Variants in SNX3 observed in about 807,000 individuals in gnomAD.
The protein encoded by SNX3 is sorting nexin-3.
SNX3 carries 5 observed loss-of-function variants against 17.7 expected under a neutral mutation model. That is an observed-to-expected ratio of 0.28 (90% CI 0.15 to 0.59). The LOEUF (loss-of-function observed/expected upper bound fraction) is 0.59, where lower values mean the gene tolerates loss of function less well. SNX3 is among the 20% of genes least tolerant of loss of function. SNX3 has a pLI of 0.88. For synonymous variants in SNX3, 91 were observed against 76.5 expected, an observed-to-expected ratio of 1.19 and a Z score of -0.99; for missense variants, 132 against 206.8, an observed-to-expected ratio of 0.64 and a Z score of 2.22.
At chr6:108,216,570 G>A (rs1381889871) in intron 2 of SNX3, among the ~76,000 whole-genome samples, 3 of 152,056 alleles carry the variant, frequency 2.0e-5, no homozygotes, top group Admixed American at 1.3e-4. Context: ...TACTTTAAAC[G>A]CAAACAGAGA....
intron 1 of SNX3, among the ~76,000 whole-genome samples, chr6:108,228,987 C>A (rs934929733): frequency 2.0e-5 from 3 of 151,950 alleles, no homozygotes; most frequent in African/African-American, 7.3e-5. Flanking sequence ...AGGCTGGGTG[C>A]GGTGGCTTAT....
At chr6:108,220,366 T>TA (rs923289209) in intron 2 of SNX3, among the ~76,000 whole-genome samples, 54 of 144,796 alleles carry the variant, frequency 3.7e-4, no homozygotes, top group East Asian at 3.0e-3. Context: ...TTCCATGCTT[T>TA]AAAAAAAAAA....
chr6:108,237,988 T>C (rs1248141969), intron 1 of SNX3, among the ~76,000 whole-genome samples: 1 of 149,310 alleles, frequency 6.7e-6, no homozygotes, highest in Non-Finnish European at 1.5e-5. Context: ...TCTCAGCTAC[T>C]CGGGAGGCTG....
At chr6:108,257,720 C>A (rs2114775046) in intron 1 of SNX3, among the ~76,000 whole-genome samples, 1 of 152,288 alleles carries the variant, frequency 6.6e-6, no homozygotes, top group South Asian at 2.1e-4. Flanking sequence ...AATCTCAGCA[C>A]TTTGGGAGGC....
In SNX3 at chr6:108,241,125, T is replaced by C. The variant is rs866122529; in HGVS notation, c.163-18080A>G. On this transcript the variant is annotated intron_variant, in intron 1 of 3. Transcript: ENST00000230085. ...CGCCACTGCACTCGAGCCTGAGCGA[T>C]AGAGCAAGACTCCGTCTCAAAAAAA... 9.7e-4 allele frequency among the ~76,000 whole-genome samples: 110 copies of C among 113,856 alleles called. 1 individual carries two copies. Among genetic ancestry groups the C allele is most frequent in the African/African-American group, 3.7e-3 (105 of 28,344 alleles). The allele number at this position is 113,856 out of a possible 152,430, so 74.7% of individuals were successfully genotyped here.
chr6:108,253,457 T>A (rs1775933115), intron 1 of SNX3, among the ~76,000 whole-genome samples: 1 of 150,780 alleles, frequency 6.6e-6, no homozygotes, highest in Non-Finnish European at 1.5e-5. Flanking sequence ...GATATAGACA[T>A]GGATGATGCA....
At chr6:108,236,184 G>C (rs1032962876) in intron 1 of SNX3, among the ~76,000 whole-genome samples, 5 of 151,710 alleles carry the variant, frequency 3.3e-5, no homozygotes, top group Admixed American at 3.3e-4. Context: ...TCTAAGAATA[G>C]TCATATGAAA....
rs532441 is a variant in SNX3, at chr6:108,211,478, T to C, written c.*671A>G. ...AACAAGTGACTTAAGTAGTCACTCA[T>C]AGAGAGCAAAAAAAGCTGGAGGCAA... On this transcript the variant is annotated 3_prime_UTR_variant, in exon 4 of 4. Transcript: ENST00000230085. 12,881 of 152,478 alleles carry C rather than the reference T, an allele frequency of 0.084. 715 individuals are homozygous for C. Among genetic ancestry groups the C allele is most frequent in the Admixed American group, 0.17 (2,577 of 15,282 alleles). 9.4% of individuals were successfully genotyped at this position (152,478 alleles called of 1,614,324 possible).
intron 1 of SNX3, among the ~76,000 whole-genome samples, chr6:108,224,128 T>G (rs1437227936): frequency 6.6e-6 from 1 of 152,180 alleles, no homozygotes; most frequent in East Asian, 1.9e-4. Context: ...TGCCCGTTGA[T>G]GTAGAAGTTC....
chr6:108,240,724 G>A (rs975076267), intron 1 of SNX3, among the ~76,000 whole-genome samples: 4 of 152,298 alleles, frequency 2.6e-5, no homozygotes, highest in African/African-American at 9.6e-5. Flanking sequence ...CAGTGGGGAA[G>A]GCTAATATTG....
chr6:108,238,122 A>C lies in SNX3; in HGVS notation c.163-15077T>G, dbSNP rs1160297166. 2.8e-5 allele frequency among the ~76,000 whole-genome samples: 4 copies of C among 142,906 alleles called. No individual in the cohort carries two copies. The East Asian group carries it at 8.3e-4, about 30-fold the overall frequency. The allele number at this position is 142,906 out of a possible 152,430, so 93.8% of individuals were successfully genotyped here. A position where few individuals can be genotyped will look rare whatever the true frequency, so the allele number is the denominator to read the frequency against. ...GTCTCAAAAAAAAAAAAAAAAAAACAAACAAAAAAAGAATCAACTATAATG... is the reference window on the plus strand; with the variant it reads ...GTCTCAAAAAAAAAAAAAAAAAAACCAACAAAAAAAGAATCAACTATAATG... On this transcript the variant is annotated intron_variant, in intron 1 of 3. Coordinates refer to ENST00000230085, the MANE Select transcript of SNX3 (RefSeq NM_003795.6).
chr6:108,219,126 C>G (rs375772188), intron 2 of SNX3, among the ~76,000 whole-genome samples: 2 of 149,814 alleles, frequency 1.3e-5, no homozygotes, highest in African/African-American at 4.9e-5. Flanking sequence ...CCAAGGCGGG[C>G]GGATCACAAG....
At chr6:108,250,810 A>T (rs931405939) in intron 1 of SNX3, among the ~76,000 whole-genome samples, 1 of 152,238 alleles carries the variant, frequency 6.6e-6, no homozygotes, top group Admixed American at 6.5e-5. Flanking sequence ...AGCCAAAAGA[A>T]ATGCTCCATC....
intron 1 of SNX3, among the ~76,000 whole-genome samples, chr6:108,246,967 T>A (rs1435602124): frequency 6.6e-6 from 1 of 152,154 alleles, no homozygotes; most frequent in Non-Finnish European, 1.5e-5. Context: ...ATGGTCAGGA[T>A]GTGATATGGT....
intron 1 of SNX3, among the ~76,000 whole-genome samples, chr6:108,231,071 G>T (rs1167483743): frequency 6.6e-6 from 1 of 151,482 alleles, no homozygotes; most frequent in East Asian, 1.9e-4. Flanking sequence ...GCGCGCTACA[G>T]GCACTTGGGC....
intron 1 of SNX3, among the ~76,000 whole-genome samples, chr6:108,242,705 T>C (rs2114749071): frequency 6.6e-6 from 1 of 152,256 alleles, no homozygotes; most frequent in Middle Eastern, 3.4e-3. Context: ...GTGAAGGGAT[T>C]TTACAGATGT....
chr6:108,230,562 T>C (rs1775114344), intron 1 of SNX3, among the ~76,000 whole-genome samples: 1 of 152,164 alleles, frequency 6.6e-6, no homozygotes, highest in Non-Finnish European at 1.5e-5. Flanking sequence ...CCTTCATCTA[T>C]TTGTATAGGT....
chr6:108,246,243 A>G (rs1404034104), intron 1 of SNX3, among the ~76,000 whole-genome samples: 1 of 144,900 alleles, frequency 6.9e-6, no homozygotes, highest in African/African-American at 2.5e-5. Flanking sequence ...CGAGGATCAG[A>G]TGGTTGTAGA....
chr6:108,257,289 G>A (rs1776058489), intron 1 of SNX3, among the ~76,000 whole-genome samples: 4 of 152,092 alleles, frequency 2.6e-5, no homozygotes, highest in Admixed American at 2.6e-4. Flanking sequence ...GAGACTGAGA[G>A]GGGGAGGGCC....
Sources: allele counts gnomAD v4.1 joint callset (sites outside exome capture counted in the v4.1 genomes callset), GRCh38; gene constraint gnomAD v4.1.1; transcripts MANE v1.5; gene names NCBI Gene and HGNC (gene_info 2026-07-23, HGNC 2026-07-21).